Variants in NFIC observed in about 807,000 individuals in gnomAD.
NFIC encodes nuclear factor I C, also known as nuclear factor 1 C-type.
A neutral mutation model predicts 54.4 loss-of-function variants in NFIC; 12 were observed. The observed-to-expected ratio is 0.22, with a 90% CI of 0.14 to 0.36. The LOEUF is 0.36. NFIC is among the 10% of genes least tolerant of loss of function. The probability of loss-of-function intolerance (pLI) is 1.00; values close to 1 mark genes in which losing one functional copy is unlikely to be tolerated. For missense variants in NFIC, 575 were observed against 718.2 expected, an observed-to-expected ratio of 0.80 and a Z score of 2.28; for synonymous variants, 322 against 319.2, an observed-to-expected ratio of 1.01 and a Z score of -0.09.
chr19:3,446,856 A>G (rs757920554), intron 6 of NFIC, among the ~76,000 whole-genome samples: 1 of 151,530 alleles, frequency 6.6e-6, no homozygotes, highest in African/African-American at 2.4e-5. Flanking sequence ...ACATAGCAAG[A>G]CCCCATCTCT....
chr19:3,427,868 A>AAG (rs946274960), intron 3 of NFIC, among the ~76,000 whole-genome samples: 1 of 141,196 alleles, frequency 7.1e-6, no homozygotes, highest in Non-Finnish European at 1.5e-5. Flanking sequence ...AAAGAAAAGA[A>AAG]AGAGAGAGAG....
intron 3 of NFIC, among the ~76,000 whole-genome samples, chr19:3,432,299 C>T (rs994940291): frequency 3.9e-5 from 6 of 152,124 alleles, no homozygotes; most frequent in African/African-American, 7.2e-5. Flanking sequence ...GTTTTAACTG[C>T]GGCTTGTGGG....
chr19:3,444,009 G>C (rs1462925106), intron 6 of NFIC, among the ~76,000 whole-genome samples: 1 of 152,248 alleles, frequency 6.6e-6, no homozygotes, highest in African/African-American at 2.4e-5. Context: ...AGTGGGCCTT[G>C]GCCCCCTGGG....
chr19:3,453,645 T>C lies in NFIC; in HGVS notation c.1270-118T>C, dbSNP rs2082503247. 2 of 1,379,292 alleles carry C rather than the reference T, an allele frequency of 1.5e-6. No homozygotes were observed. The highest frequency in any genetic ancestry group is 1.9e-6 in the Non-Finnish European group (2 of 1,043,656). 85.4% of individuals were successfully genotyped at this position (1,379,292 alleles called of 1,614,324 possible). ...ACCCGCCATGGTCACACCCGCGCCC[T>C]GGCCCCCCAGCCTGCCACCCCGTCC... On this transcript the variant is annotated intron_variant, in intron 8 of 10. Transcript: ENST00000443272. The surrounding 1 kb of genome is among the most constrained non-coding windows in gnomAD (Gnocchi z 6.7).
Position 3,434,378 on chromosome 19 carries a change from C to T in NFIC, c.811C>T (p.Leu271=). The part of the protein sequence containing the change: ...NPASTGLRRT[L]PSTSSSGSKR... ...AGCCAGCACTGGCCTCAGAAGAACGCTGCCCAGCACCTCCTCCAGTGGGTA... is the reference window on the plus strand; with the variant it reads ...AGCCAGCACTGGCCTCAGAAGAACGTTGCCCAGCACCTCCTCCAGTGGGTA... The change falls in exon 5 of 11, where the codon CTG becomes TTG. Residue 271 remains leucine (L), a synonymous_variant. Transcript: ENST00000443272. 1 of 1,610,204 alleles carries T rather than the reference C, an allele frequency of 6.2e-7. No individual in the cohort carries two copies. The highest frequency in any genetic ancestry group is 8.5e-7 in the Non-Finnish European group (1 of 1,178,314).
At chr19:3,433,712 A>G in intron 4 of NFIC, 120 bp downstream of exon 4, 1 of 1,134,722 alleles carries the variant, frequency 8.8e-7, no homozygotes. Context: ...TGTGTCACTA[A>G]GCCAAGGTTC....
At chr19:3,400,837 G>A (rs1028561430) in intron 2 of NFIC, among the ~76,000 whole-genome samples, 3 of 152,098 alleles carry the variant, frequency 2.0e-5, no homozygotes, top group African/African-American at 2.4e-5. Context: ...GCGAGACTCC[G>A]TCTCAAAAAA....
In NFIC at chr19:3,463,629, C is replaced by A; in HGVS notation, c.*860C>A. On this transcript the variant is annotated 3_prime_UTR_variant, in exon 11 of 11. Coordinates refer to ENST00000443272, the MANE Select transcript of NFIC (RefSeq NM_001245002.2). ...TATGCAATTGGCCCCGGCCCCTCCA[C>A]CCCCCACCCCCGGCATAGGAGGCCC... is the stretch of plus-strand genomic sequence containing the variant. 2.0e-6 allele frequency: 2 copies of A among 978,252 alleles called. No homozygotes were observed. Among genetic ancestry groups the A allele is most frequent in the Middle Eastern group, 5.3e-4 (1 of 1,904 alleles). 60.6% of individuals were successfully genotyped at this position (978,252 alleles called of 1,614,324 possible).
At chr19:3,455,421 A>C (rs542861554) in intron 9 of NFIC, among the ~76,000 whole-genome samples, 3 of 150,430 alleles carry the variant, frequency 2.0e-5, no homozygotes, top group African/African-American at 7.4e-5. Flanking sequence ...CATACAGTAG[A>C]CACTTAATAG....
intron 1 of NFIC, among the ~76,000 whole-genome samples, chr19:3,372,103 C>T (rs2081031371): frequency 6.7e-6 from 1 of 150,176 alleles, no homozygotes; most frequent in Non-Finnish European, 1.5e-5. Flanking sequence ...TCACTGCAAC[C>T]TCCGCCTCCT....
At chr19:3,450,689 C>T (rs1261429784) in intron 7 of NFIC, among the ~76,000 whole-genome samples, 1 of 152,148 alleles carries the variant, frequency 6.6e-6, no homozygotes, top group African/African-American at 2.4e-5. Flanking sequence ...AAAAAATCAC[C>T]TTCCATGGTT....
chr19:3,418,098 TC>T (rs2081896128), intron 2 of NFIC, among the ~76,000 whole-genome samples: 3 of 148,640 alleles, frequency 2.0e-5, no homozygotes, highest in Non-Finnish European at 1.5e-5. Flanking sequence ...AATTTTCTTT[TC>T]TTTTTTTTTT....
In NFIC at chr19:3,458,599, A is replaced by G. The variant is rs2121943933; in HGVS notation, c.1509+1964A>G. Among the ~76,000 whole-genome samples the G allele has an allele frequency of 6.6e-6, 1 of 151,244 alleles. No homozygotes were observed. Among genetic ancestry groups the G allele is most frequent in the Non-Finnish European group, 1.5e-5 (1 of 67,704 alleles). ...TGGCTGGACTCCTCTGGGGACCCAG[A>G]AAGGGTGGGACCAGGGCTGGCAGAA... On this transcript the variant is annotated intron_variant, in intron 10 of 10. Coordinates refer to ENST00000443272, the MANE Select transcript of NFIC (RefSeq NM_001245002.2). This position sits in a 1 kb window ranked among gnomAD's most constrained non-coding sequence, Gnocchi z 4.1.
At chr19:3,363,230 T>TGTGTGTGTGC (rs1406050027), upstream of NFIC, among the ~76,000 whole-genome samples, 1 of 57,472 alleles carries the variant, frequency 1.7e-5, no homozygotes, top group East Asian at 2.6e-4. Flanking sequence ...TATATGTATG[T>TGTGTGTGTGC]GTATGTGTGT....
intron 6 of NFIC, among the ~76,000 whole-genome samples, chr19:3,440,408 C>T (rs892600143): frequency 2.7e-5 from 4 of 150,714 alleles, no homozygotes; most frequent in East Asian, 1.9e-4. Context: ...GGAGAAGGTG[C>T]GTGACCCCTG....
intron 2 of NFIC, among the ~76,000 whole-genome samples, chr19:3,384,286 C>CA (rs1163041021): frequency 5.3e-5 from 8 of 151,886 alleles, no homozygotes; most frequent in Non-Finnish European, 1.2e-4. Flanking sequence ...AGGTTGGCCT[C>CA]AAACTCCTGG....
chr19:3,444,573 T>C (rs1475993933), intron 6 of NFIC, among the ~76,000 whole-genome samples: 2 of 152,304 alleles, frequency 1.3e-5, no homozygotes, highest in East Asian at 3.9e-4. Context: ...TTTCTCGCGG[T>C]GCCTGAGCTG....
rs1230611148 is a variant in NFIC at position 3,452,895 on chromosome 19, G to A, written c.1269+229G>A. Among the ~76,000 whole-genome samples the A allele has an allele frequency of 2.0e-5, 3 of 152,218 alleles. No homozygotes were observed. The highest frequency in any genetic ancestry group is 2.9e-5 in the Non-Finnish European group (2 of 68,040). On this transcript the variant is annotated intron_variant, in intron 8 of 10. Coordinates refer to ENST00000443272, the MANE Select transcript of NFIC (RefSeq NM_001245002.2). The surrounding 1 kb of genome is among the most constrained non-coding windows in gnomAD (Gnocchi z 5.3). The stretch of plus-strand genomic sequence containing the variant: ...TGTCGCACCCTGTGGGGTCTGGGTA[G>A]CACCCGTAGGTCCCAGCAACTGCGT...
At chr19:3,363,233 A>ATGTGTGTGTGTGCGTG (rs1455699193), upstream of NFIC, among the ~76,000 whole-genome samples, 1 of 118,320 alleles carries the variant, frequency 8.5e-6, no homozygotes. Flanking sequence ...ATGTATGTGT[A>ATGTGTGTGTGTGCGTG]TGTGTGTGTA....
Sources: allele counts gnomAD v4.1 joint callset (sites outside exome capture counted in the v4.1 genomes callset), GRCh38; gene constraint gnomAD v4.1.1; non-coding constraint Gnocchi (gnomAD v3.1); transcripts MANE v1.5; gene names NCBI Gene and HGNC (gene_info 2026-07-23, HGNC 2026-07-21).